Variants in SYCE3 observed in about 807,000 individuals in gnomAD.
The protein encoded by SYCE3 is synaptonemal complex central element protein 3, also known as testis highly expressed gene 2 protein.
Under a neutral mutation model 8.1 loss-of-function variants are expected in SYCE3, and 3 were observed. The observed-to-expected ratio is 0.37, with a 90% CI of 0.17 to 0.96. The LOEUF (loss-of-function observed/expected upper bound fraction) is 0.96. Among genes scored for constraint, SYCE3 ranks in the 40% least tolerant of loss-of-function variants. The probability of loss-of-function intolerance (pLI) is 0.41; values close to 1 mark genes in which losing one functional copy is unlikely to be tolerated. For synonymous variants in SYCE3, 36 were observed against 38.7 expected, an observed-to-expected ratio of 0.93 and a Z score of 0.26; for missense variants, 83 against 110.0, an observed-to-expected ratio of 0.75 and a Z score of 1.10.
chr22:50,558,949 C>G lies in SYCE3; in HGVS notation c.1-2544G>C, dbSNP rs1429140380. Among the ~76,000 whole-genome samples, 3 of 152,190 alleles carry G rather than the reference C, an allele frequency of 2.0e-5. No individual in the cohort carries two copies. In the East Asian group the frequency reaches 5.8e-4, roughly 29 times the overall value. On this transcript the variant is annotated intron_variant, in intron 1 of 2. Transcript: ENST00000406915. ...TCTTTTATTTAACATCTCTGCAGCA[C>G]TGACATTTGGCCATTTTCTCCTGCT... is the stretch of plus-strand genomic sequence containing the variant.
intron 2 of SYCE3, among the ~76,000 whole-genome samples, chr22:50,554,454 G>A (rs1027564308): frequency 1.3e-5 from 2 of 152,090 alleles, no homozygotes; most frequent in South Asian, 2.1e-4. Flanking sequence ...AGCACTTCAG[G>A]AGGCCAAGGC....
intron 2 of SYCE3, among the ~76,000 whole-genome samples, chr22:50,554,576 C>T (rs1426144977): frequency 1.3e-5 from 2 of 151,834 alleles, no homozygotes; most frequent in African/African-American, 4.8e-5. Context: ...CGCCTGTAAT[C>T]CCACCTACCC....
chr22:50,552,815 C>G (rs548891798), intron 2 of SYCE3, among the ~76,000 whole-genome samples: 11 of 152,240 alleles, frequency 7.2e-5, no homozygotes, highest in African/African-American at 2.4e-4. Flanking sequence ...GGTAGACCCT[C>G]CTGAATGGGA....
chr22:50,555,619 T>C (rs2069852543), intron 2 of SYCE3, among the ~76,000 whole-genome samples: 1 of 152,192 alleles, frequency 6.6e-6, no homozygotes, highest in African/African-American at 2.4e-5. Flanking sequence ...GATAAAACTC[T>C]GGTCTCCACA....
At chr22:50,562,621 G>C (rs1292353662) in intron 1 of SYCE3, among the ~76,000 whole-genome samples, 2 of 106,454 alleles carry the variant, frequency 1.9e-5, no homozygotes, top group Admixed American at 1.7e-4. Context: ...GGCTGGGTGA[G>C]GAGGCGGGTG....
chr22:50,561,263 G>A (rs1297157708), intron 1 of SYCE3, among the ~76,000 whole-genome samples: 2 of 152,144 alleles, frequency 1.3e-5, no homozygotes, highest in South Asian at 2.1e-4. Context: ...TTTGGGGATA[G>A]AGCATGAGAC....
At chr22:50,561,320 G>T (rs1372897295) in intron 1 of SYCE3, among the ~76,000 whole-genome samples, 1 of 152,090 alleles carries the variant, frequency 6.6e-6, no homozygotes, top group Non-Finnish European at 1.5e-5. Context: ...GATCTCAGAA[G>T]AGGGATGGAT....
chr22:50,554,053 T>C (rs2069835219), intron 2 of SYCE3, among the ~76,000 whole-genome samples: 1 of 151,704 alleles, frequency 6.6e-6, no homozygotes, highest in Non-Finnish European at 1.5e-5. Context: ...AAATTAGCCA[T>C]GCATGGTGGC....
intron 1 of SYCE3, among the ~76,000 whole-genome samples, chr22:50,557,404 C>A (rs574399233): frequency 6.6e-6 from 1 of 152,236 alleles, no homozygotes; most frequent in East Asian, 1.9e-4. Flanking sequence ...GATCTATCCA[C>A]CTCGGCCTCC....
At chr22:50,561,777 C>T (rs2069920880) in intron 1 of SYCE3, among the ~76,000 whole-genome samples, 1 of 151,252 alleles carries the variant, frequency 6.6e-6, no homozygotes, top group African/African-American at 2.4e-5. Context: ...GAGAGCAGCA[C>T]AGGAAGGGAA....
intron 2 of SYCE3, among the ~76,000 whole-genome samples, chr22:50,554,523 G>A (rs961444636): frequency 1.3e-4 from 20 of 151,606 alleles, no homozygotes; most frequent in South Asian, 6.3e-4. Flanking sequence ...GTGAAACTTC[G>A]TCTCTACTAA....
chr22:50,554,625 C>T (rs562165212), intron 2 of SYCE3, among the ~76,000 whole-genome samples: 38 of 135,578 alleles, frequency 2.8e-4, no homozygotes, highest in African/African-American at 7.1e-4. Context: ...ACCCGAGAGG[C>T]GGAGGTTGCA....
chr22:50,554,532 A>G (rs969192441), intron 2 of SYCE3, among the ~76,000 whole-genome samples: 1 of 151,914 alleles, frequency 6.6e-6, no homozygotes, highest in East Asian at 1.9e-4. Context: ...CGTCTCTACT[A>G]AAAATACAAA....
intron 2 of SYCE3, 38 bp downstream of exon 2, chr22:50,556,259 A>T (rs1040333355): frequency 1.2e-4 from 165 of 1,428,376 alleles, no homozygotes; most frequent in Non-Finnish European, 1.6e-4. Flanking sequence ...AAATTGATTG[A>T]GACCTGTCTC....
intron 2 of SYCE3, among the ~76,000 whole-genome samples, chr22:50,553,202 A>AAAAT (rs368358510): frequency 3.6e-4 from 54 of 151,560 alleles, no homozygotes; most frequent in Admixed American, 5.9e-4. Context: ...ACCCTGTCTC[A>AAAAT]AAATAAATAA....
At chr22:50,559,201 A>G (rs1370048430) in intron 1 of SYCE3, among the ~76,000 whole-genome samples, 1 of 151,072 alleles carries the variant, frequency 6.6e-6, no homozygotes, top group Non-Finnish European at 1.5e-5. Flanking sequence ...ATATCGGCTC[A>G]CCACAACCTC....
intron 2 of SYCE3, among the ~76,000 whole-genome samples, chr22:50,554,024 T>A (rs1055667655): frequency 1.2e-4 from 18 of 151,750 alleles, no homozygotes; most frequent in Non-Finnish European, 2.2e-4. Context: ...AAACTCCATC[T>A]CTACTAAAAA....
intron 2 of SYCE3, among the ~76,000 whole-genome samples, chr22:50,554,860 C>T (rs1261739209): frequency 3.3e-5 from 5 of 152,000 alleles, no homozygotes; most frequent in African/African-American, 9.7e-5. Flanking sequence ...CGGTGGTTTA[C>T]GCCTGTAATC....
At chr22:50,557,990 G>A (rs1210265246) in intron 1 of SYCE3, among the ~76,000 whole-genome samples, 1 of 152,190 alleles carries the variant, frequency 6.6e-6, no homozygotes, top group Non-Finnish European at 1.5e-5. Context: ...CAACTAGACT[G>A]TGGGGTCCTG....
Sources: gnomAD v4.1 joint callset for allele counts (sites outside exome capture counted in the v4.1 genomes callset) on GRCh38, gnomAD v4.1.1 for gene constraint, MANE v1.5 for transcripts, NCBI Gene and HGNC (gene_info 2026-07-23, HGNC 2026-07-21) for gene names.